BMAL2: variants seen among roughly 807,000 people sequenced by gnomAD.
BMAL2 encodes basic helix-loop-helix ARNT-like protein 2.
the BMAL2 span, among the ~76,000 whole-genome samples, chr12:27,363,271 A>G: frequency 6.6e-6 from 1 of 152,208 alleles, no homozygotes; most frequent in Non-Finnish European, 1.5e-5. Flanking sequence ...GTTCAATTAC[A>G]AGCAATGTTG....
chr12:27,374,211 C>CAT, the BMAL2 span, among the ~76,000 whole-genome samples: 839 of 151,460 alleles, frequency 5.5e-3, 4 homozygotes, highest in Non-Finnish European at 8.6e-3. Flanking sequence ...TATATACATA[C>CAT]ATATATATAG....
At chr12:27,405,864 G>A in the BMAL2 span, among the ~76,000 whole-genome samples, 1 of 152,218 alleles carries the variant, frequency 6.6e-6, no homozygotes, top group African/African-American at 2.4e-5. Context: ...TAGATGAATG[G>A]CTAACAAGAA....
At chr12:27,393,763 C>A in the BMAL2 span, among the ~76,000 whole-genome samples, 1 of 152,160 alleles carries the variant, frequency 6.6e-6, no homozygotes, top group African/African-American at 2.4e-5. Flanking sequence ...GCAAAGGACA[C>A]ACTGGGGAGC....
chr12:27,362,387 A>G, the BMAL2 span, among the ~76,000 whole-genome samples: 106 of 152,276 alleles, frequency 7.0e-4, no homozygotes, highest in African/African-American at 2.4e-3. Flanking sequence ...CTTAATTCCA[A>G]AGTGCCTCAC....
chr12:27,401,394 G>A, the BMAL2 span: 15 of 1,578,956 alleles, frequency 9.5e-6, no homozygotes, highest in Admixed American at 1.9e-4. Context: ...ATACATTTTG[G>A]GGAATTTAAA....
the BMAL2 span, among the ~76,000 whole-genome samples, chr12:27,333,688 G>A: frequency 6.6e-6 from 1 of 152,258 alleles, no homozygotes; most frequent in South Asian, 2.1e-4. Flanking sequence ...CTCCGGGATC[G>A]CAGCCCGCTC....
At chr12:27,335,877 C>T in the BMAL2 span, among the ~76,000 whole-genome samples, 3 of 152,020 alleles carry the variant, frequency 2.0e-5, no homozygotes, top group Admixed American at 6.6e-5. Context: ...CAAAAACTAA[C>T]GTTTAAAATA....
the BMAL2 span, among the ~76,000 whole-genome samples, chr12:27,400,296 G>T: frequency 6.6e-6 from 1 of 151,980 alleles, no homozygotes; most frequent in Non-Finnish European, 1.5e-5. Flanking sequence ...CAACCTGTTC[G>T]TTTTTTCATG....
chr12:27,417,481 A>T, the BMAL2 span, among the ~76,000 whole-genome samples: 3,071 of 152,246 alleles, frequency 0.02, 109 homozygotes, highest in African/African-American at 0.071. Flanking sequence ...GGAGTCAGGT[A>T]GACTTGAGTT....
the BMAL2 span, among the ~76,000 whole-genome samples, chr12:27,416,414 A>C: frequency 8.5e-5 from 13 of 152,198 alleles, no homozygotes; most frequent in African/African-American, 2.7e-4. Context: ...AAAAGCTTAA[A>C]TAATACAAGC....
the BMAL2 span, among the ~76,000 whole-genome samples, chr12:27,366,583 A>G: frequency 3.3e-5 from 5 of 152,194 alleles, no homozygotes; most frequent in African/African-American, 1.2e-4. Context: ...AGTTATTCTG[A>G]TTTTTATATT....
the BMAL2 span, among the ~76,000 whole-genome samples, chr12:27,377,162 A>T: frequency 3.0e-4 from 46 of 152,218 alleles, no homozygotes; most frequent in African/African-American, 1.0e-3. Context: ...TTCTGATAGG[A>T]TTCTACAAAA....
At chr12:27,420,427 A>G in the BMAL2 span, 31 of 1,613,876 alleles carry the variant, frequency 1.9e-5, no homozygotes, top group East Asian at 2.2e-4. Flanking sequence ...TCGATGCCCT[A>G]TGTGACAATG....
At chr12:27,348,488 A>G in the BMAL2 span, among the ~76,000 whole-genome samples, 1 of 152,192 alleles carries the variant, frequency 6.6e-6, no homozygotes, top group African/African-American at 2.4e-5. Context: ...TTTAATCTTA[A>G]TTGACAACAT....
At chr12:27,381,895 G>A in the BMAL2 span, among the ~76,000 whole-genome samples, 1 of 152,144 alleles carries the variant, frequency 6.6e-6, no homozygotes, top group Non-Finnish European at 1.5e-5. Flanking sequence ...TCATAAAAAG[G>A]GAGTGAGCAA....
chr12:27,385,407 G>A, the BMAL2 span: 19 of 824,326 alleles, frequency 2.3e-5, no homozygotes, highest in Non-Finnish European at 3.9e-5. Flanking sequence ...AGCAGCAGCA[G>A]CATTGCTAAT....
At chr12:27,379,443 G>A in the BMAL2 span, among the ~76,000 whole-genome samples, 3 of 152,220 alleles carry the variant, frequency 2.0e-5, no homozygotes, top group East Asian at 5.8e-4. Flanking sequence ...GCGGTGCTAA[G>A]CAGGGAATCT....
chr12:27,378,788 G>T, the BMAL2 span, among the ~76,000 whole-genome samples: 1 of 152,140 alleles, frequency 6.6e-6, no homozygotes, highest in Non-Finnish European at 1.5e-5. Context: ...AAGGTTTTGG[G>T]GTAATGCAAT....
chr12:27,403,387 G>C, the BMAL2 span: 1 of 1,224,746 alleles, frequency 8.2e-7, no homozygotes, highest in Non-Finnish European at 1.2e-6. Context: ...TGAATTGAAA[G>C]AAAGATAAAG....
Sources: gnomAD v4.1 joint callset for allele counts (sites outside exome capture counted in the v4.1 genomes callset) on GRCh38, gnomAD v4.1.1 for gene constraint, MANE v1.5 for transcripts, NCBI Gene and HGNC (gene_info 2026-07-23, HGNC 2026-07-21) for gene names.